GDF6: variants seen among roughly 807,000 people sequenced by gnomAD.
The protein encoded by GDF6 is growth differentiation factor 6.
GDF6 carries 3 observed loss-of-function variants against 32.4 expected under a neutral mutation model. The observed-to-expected ratio is 0.09, with a 90% confidence interval of 0.04 to 0.24. GDF6 has a LOEUF of 0.24. Ranked by LOEUF, GDF6 falls within the 10% of genes least tolerant of loss-of-function variation. GDF6 has a pLI of 1.00. For missense variants in GDF6, 589 were observed against 637.9 expected (o/e 0.92, Z 0.83); for synonymous variants, 296 against 295.3 (o/e 1.00, Z -0.03).
At chr8:96,151,201 G>A (rs903985130) in intron 1 of GDF6, among the ~76,000 whole-genome samples, 5 of 152,154 alleles carry the variant, frequency 3.3e-5, no homozygotes, top group African/African-American at 1.2e-4. Context: ...TGTAAGTTCG[G>A]GAAGCAGTCC....
rs757964421 is a variant in GDF6, at chr8:96,142,669, C to T, written c.*1894G>A. 1 of 152,592 alleles carries T rather than the reference C, an allele frequency of 6.6e-6. No individual in the cohort carries two copies. Among genetic ancestry groups the T allele is most frequent in the Non-Finnish European group, 1.5e-5 (1 of 68,036 alleles). 9.5% of individuals were successfully genotyped at this position (152,592 alleles called of 1,614,324 possible). A position where few individuals can be genotyped will look rare whatever the true frequency, so the allele number is the denominator to read the frequency against. ...ACATTAGGATGAATTGCATGCTGTC[C>T]ATTTCCTCTTTGCACTTTCAGTCAC... On this transcript the variant is annotated 3_prime_UTR_variant, in exon 2 of 2. Coordinates refer to ENST00000287020, the MANE Select transcript of GDF6 (RefSeq NM_001001557.4).
At chr8:96,159,277 C>T (rs1370761939) in intron 1 of GDF6, among the ~76,000 whole-genome samples, 1 of 152,136 alleles carries the variant, frequency 6.6e-6, no homozygotes, top group Non-Finnish European at 1.5e-5. Flanking sequence ...ACATTATTGT[C>T]TCTCTCCTTT....
At chr8:96,149,255 C>T in intron 1 of GDF6, among the ~76,000 whole-genome samples, 1 of 152,224 alleles carries the variant, frequency 6.6e-6, no homozygotes, top group African/African-American at 2.4e-5. Context: ...GCTTTGGGCC[C>T]TTAAATTGAA....
At chr8:96,147,323 G>T (rs1812503480) in intron 1 of GDF6, among the ~76,000 whole-genome samples, 1 of 152,194 alleles carries the variant, frequency 6.6e-6, no homozygotes, top group South Asian at 2.1e-4. Context: ...CCTTCAAACA[G>T]ACCAGGGTCA....
intron 1 of GDF6, among the ~76,000 whole-genome samples, chr8:96,154,406 A>G (rs1484886755): frequency 6.6e-6 from 1 of 152,248 alleles, no homozygotes; most frequent in African/African-American, 2.4e-5. Flanking sequence ...TAGAAGGCAG[A>G]GAACTGCAAC....
rs1812426940 is a variant in GDF6 at position 96,144,288 on chromosome 8, GAGAA to G, written c.*271_*274del. 6 of 465,794 alleles carry G rather than the reference GAGAA, an allele frequency of 1.3e-5. No individual in the cohort carries two copies. Among genetic ancestry groups the G allele is most frequent in the South Asian group, 8.8e-5 (4 of 45,268 alleles). The allele number at this position is 465,794 out of a possible 1,614,324, so 28.9% of individuals were successfully genotyped here. ...AGAGAGAGAGAGAGAGAGAGAGAGA[GAGAA>G]AACAGAACAAAAGAAATCCTCCTTG... On this transcript the variant is annotated 3_prime_UTR_variant, in exon 2 of 2. Coordinates refer to ENST00000287020, the MANE Select transcript of GDF6 (RefSeq NM_001001557.4). This position sits in a 1 kb window ranked among gnomAD's most constrained non-coding sequence, Gnocchi z 5.1.
chr8:96,146,701 C>CAGAGAGAGAG (rs771624365), intron 1 of GDF6, among the ~76,000 whole-genome samples: 1 of 129,698 alleles, frequency 7.7e-6, no homozygotes, highest in African/African-American at 3.4e-5. Context: ...CACACACACA[C>CAGAGAGAGAG]ACACACAGAG....
rs937570142 is a variant in GDF6 at position 96,144,482 on chromosome 8, G to A, written c.*81C>T. On this transcript the variant is annotated 3_prime_UTR_variant, in exon 2 of 2. Transcript: ENST00000287020. The surrounding 1 kb of genome is among the most constrained non-coding windows in gnomAD (Gnocchi z 5.1). ...TCCCCCAGCGCCAGCTTCCTCCTCC[G>A]CCTCTCTGCAGCCAGGCCTCCCCTG... is the stretch of plus-strand genomic sequence containing the variant. The A allele has an allele frequency of 3.9e-6, 6 of 1,536,154 alleles. No homozygotes were observed. The African/African-American group carries it at 8.2e-5, about 21-fold the overall frequency.
chr8:96,146,412 T>C (rs189314342), intron 1 of GDF6, among the ~76,000 whole-genome samples: 1 of 152,156 alleles, frequency 6.6e-6, no homozygotes, highest in East Asian at 1.9e-4. Context: ...TGGGGTAACA[T>C]TGCTGCCCAT....
chr8:96,153,511 G>A (rs1812606050), intron 1 of GDF6, among the ~76,000 whole-genome samples: 3 of 152,218 alleles, frequency 2.0e-5, no homozygotes, highest in East Asian at 3.9e-4. Context: ...CTGGGGGGTT[G>A]GCTAGGGGCG....
At chr8:96,148,079 TCTC>T (rs1563510139) in intron 1 of GDF6, among the ~76,000 whole-genome samples, 1 of 152,374 alleles carries the variant, frequency 6.6e-6, no homozygotes, top group South Asian at 2.1e-4. Context: ...TAGAGAAAGA[TCTC>T]CTACTGATTC....
At chr8:96,152,322 G>A (rs1812582479) in intron 1 of GDF6, among the ~76,000 whole-genome samples, 2 of 152,174 alleles carry the variant, frequency 1.3e-5, no homozygotes, top group Admixed American at 1.3e-4. Context: ...CCACATCAAG[G>A]ATCCAGCCCT....
intron 1 of GDF6, among the ~76,000 whole-genome samples, chr8:96,153,601 G>T (rs1009394718): frequency 6.6e-6 from 1 of 152,228 alleles, no homozygotes; most frequent in Admixed American, 6.5e-5. Context: ...CTAGGGGAGC[G>T]GAAAGGGAGG....
Position 96,144,291 on chromosome 8 carries a change from A to AGAGAGGG in GDF6, c.*271_*272insCCCTCTC. The AGAGAGGG allele has an allele frequency of 2.1e-6, 1 of 486,182 alleles. No individual in the cohort carries two copies. Among genetic ancestry groups the AGAGAGGG allele is most frequent in the Non-Finnish European group, 3.7e-6 (1 of 272,224 alleles). The allele number at this position is 486,182 out of a possible 1,614,324, so 30.1% of individuals were successfully genotyped here. ...GAGAGAGAGAGAGAGAGAGAGAGAG[A>AGAGAGGG]AAACAGAACAAAAGAAATCCTCCTT... On this transcript the variant is annotated 3_prime_UTR_variant, in exon 2 of 2. Transcript: ENST00000287020. This position sits in a 1 kb window ranked among gnomAD's most constrained non-coding sequence, Gnocchi z 5.1.
intron 1 of GDF6, among the ~76,000 whole-genome samples, chr8:96,154,553 C>G (rs1040393837): frequency 2.6e-5 from 4 of 152,124 alleles, no homozygotes; most frequent in African/African-American, 7.2e-5. Flanking sequence ...CGGAATGGCA[C>G]GGTGAATCCA....
At position 96,144,242 on chromosome 8, in the gene GDF6, A is replaced by AAGAGAG. The variant is rs886063199; in HGVS notation, c.*320_*321insCTCTCT. 2.7e-3 allele frequency: 521 copies of AAGAGAG among 190,016 alleles called. 13 individuals are homozygous for AAGAGAG. Among genetic ancestry groups the AAGAGAG allele is most frequent in the African/African-American group, 0.025 (435 of 17,432 alleles). 11.8% of individuals were successfully genotyped at this position (190,016 alleles called of 1,614,324 possible). On this transcript the variant is annotated 3_prime_UTR_variant, in exon 2 of 2. Transcript: ENST00000287020. The surrounding 1 kb of genome is among the most constrained non-coding windows in gnomAD (Gnocchi z 5.1). ...ACATAAGGAAATCCAAAGCCACAGT[A>AAGAGAG]ATAGAGAGAGAGAGAGAGAGAGAGA...
chr8:96,149,802 G>A (rs1812536988), intron 1 of GDF6, among the ~76,000 whole-genome samples: 1 of 152,202 alleles, frequency 6.6e-6, no homozygotes, highest in Admixed American at 6.5e-5. Context: ...GAAAGTTGGA[G>A]TGGCAAACTC....
Position 96,145,210 on chromosome 8 carries a change from C to G in GDF6, c.721G>C (p.Asp241His). Residue 241 changes from aspartate (D) to histidine (H), a missense_variant, in exon 2 of 2, where the codon GAC becomes CAC. Asp to His is a moderately conservative substitution (Grantham distance 81). Around this residue, in one of 2 missense-constraint regions of GDF6, gnomAD observed 436 missense variants for 411.2 expected, o/e 1.06. Transcript: ENST00000287020. The surrounding 1 kb of genome is among the most constrained non-coding windows in gnomAD (Gnocchi z 5.6). ...LELRAAWGELDAGEAEARARG... is the reference protein window; with the variant it reads ...LELRAAWGELHAGEAEARARG... ...GCGCGCGCCTCGGCCTCCCCGGCGT[C>G]CAGCTCGCCCCATGCGGCCCGCAGC... 2 of 1,503,906 alleles carry G rather than the reference C, an allele frequency of 1.3e-6. No homozygotes were observed. The highest frequency in any genetic ancestry group is 1.8e-6 in the Non-Finnish European group (2 of 1,134,100). The allele number at this position is 1,503,906 out of a possible 1,614,324, so 93.2% of individuals were successfully genotyped here. A position where few individuals can be genotyped will look rare whatever the true frequency, so the allele number is the denominator to read the frequency against.
In GDF6 at chr8:96,146,707, C is replaced by CAG. The variant is rs1554571546; in HGVS notation, c.407-1185_407-1184dup. Reference sequence around the variant, plus strand: ...ACACACACACACACACACACACACACAGAGAGAGAGAGAGAGAGATAGAGA... The same window carrying CAG: ...ACACACACACACACACACACACACACAGAGAGAGAGAGAGAGAGAGATAGAGA... On this transcript the variant is annotated intron_variant, in intron 1 of 1. Coordinates refer to ENST00000287020, the MANE Select transcript of GDF6 (RefSeq NM_001001557.4). 7.6e-3 allele frequency among the ~76,000 whole-genome samples: 1,064 copies of CAG among 139,992 alleles called. 7 individuals are homozygous for CAG. The highest frequency in any genetic ancestry group is 0.017 in the African/African-American group (588 of 35,162). The allele number at this position is 139,992 out of a possible 152,430, so 91.8% of individuals were successfully genotyped here.
Sources: allele counts gnomAD v4.1 joint callset (sites outside exome capture counted in the v4.1 genomes callset), GRCh38; gene constraint gnomAD v4.1.1; regional missense constraint gnomAD v4.1.1; non-coding constraint Gnocchi (gnomAD v3.1); transcripts MANE v1.5; gene names NCBI Gene and HGNC (gene_info 2026-07-23, HGNC 2026-07-21).